SEC24C: variants seen among roughly 807,000 people sequenced by gnomAD.
The protein encoded by SEC24C is SEC24 homolog C, COPII component, also known as protein transport protein Sec24C.
Under a neutral mutation model 117.0 loss-of-function variants are expected in SEC24C, and 22 were observed. That is an observed-to-expected ratio of 0.19 (90% confidence interval 0.13 to 0.27). The LOEUF (loss-of-function observed/expected upper bound fraction) is 0.27, where lower values mean the gene tolerates loss of function less well. Ranked by LOEUF, SEC24C falls within the 10% of genes least tolerant of loss-of-function variation. SEC24C has a pLI of 1.00. For synonymous variants in SEC24C, 506 were observed against 529.4 expected (o/e 0.96, Z 0.61); for missense variants, 1,155 against 1,375.1 (o/e 0.84, Z 2.53).
chr10:73,758,362 T>G (rs552541497), intron 3 of SEC24C, among the ~76,000 whole-genome samples: 1 of 152,366 alleles, frequency 6.6e-6, no homozygotes, highest in Non-Finnish European at 1.5e-5. Flanking sequence ...TTAAAAAGTT[T>G]TTTGAGATAT....
At position 73,766,038 on chromosome 10, in the gene SEC24C, T is replaced by G. The variant is rs1048018129; in HGVS notation, c.1483-48T>G. 12 of 1,604,832 alleles carry G rather than the reference T, an allele frequency of 7.5e-6. No homozygotes were observed. The African/African-American group carries it at 1.2e-4, about 16-fold the overall frequency. Reference sequence around the variant, plus strand: ...TGATGCTGACTTCTCTATAGTCAACTGGCCTGCTTACCATTCCCCCTCTCC... The same window carrying G: ...TGATGCTGACTTCTCTATAGTCAACGGGCCTGCTTACCATTCCCCCTCTCC... On this transcript the variant is annotated intron_variant, in intron 10 of 22. Coordinates refer to ENST00000345254, the MANE Select transcript of SEC24C (RefSeq NM_198597.3).
Position 73,769,706 on chromosome 10 carries a change from C to T in SEC24C, c.2655C>T (p.Asn885=). The T allele has an allele frequency of 6.2e-7, 1 of 1,614,224 alleles. No individual in the cohort carries two copies. The highest frequency in any genetic ancestry group is 8.5e-7 in the Non-Finnish European group (1 of 1,180,030). Residue 885 remains asparagine (N), a synonymous_variant, in exon 19 of 23, where the codon AAC becomes AAT. Coordinates refer to ENST00000345254, the MANE Select transcript of SEC24C (RefSeq NM_198597.3). The surrounding 1 kb of genome is among the most constrained non-coding windows in gnomAD (Gnocchi z 4.5). The stretch of plus-strand genomic sequence containing the variant: ...AGATCCTGGCCTGTTACAGAAAGAA[C>T]TGTGCTAGCCCCTCCTCTGCAGGAC... ...CAQILACYRK[N]CASPSSAGQL... is the part of the protein sequence containing the mutation.
chr10:73,763,698 T>C, intron 7 of SEC24C, 97 bp downstream of exon 7: 1 of 747,222 alleles, frequency 1.3e-6, no homozygotes, highest in Non-Finnish European at 1.9e-6. Flanking sequence ...TTTTTTTTTT[T>C]TAGTTTTTAA....
chr10:73,747,436 T>C (rs1217835306), intron 2 of SEC24C, among the ~76,000 whole-genome samples: 1 of 150,906 alleles, frequency 6.6e-6, no homozygotes, highest in Non-Finnish European at 1.5e-5. Flanking sequence ...GGCTGCAACC[T>C]CCACCTTCCA....
In SEC24C at chr10:73,771,177, A is replaced by G. The variant is rs2082976355; in HGVS notation, c.*82A>G. On this transcript the variant is annotated 3_prime_UTR_variant, in exon 23 of 23. Coordinates refer to ENST00000345254, the MANE Select transcript of SEC24C (RefSeq NM_198597.3). The stretch of plus-strand genomic sequence containing the variant: ...GTCAGAGAAATTGGGACAGTAACAT[A>G]TCTTATGTAAGCTGACCTCAGTCTC... 3 of 1,507,842 alleles carry G rather than the reference A, an allele frequency of 2.0e-6. No homozygotes were observed. The highest frequency in any genetic ancestry group is 2.7e-6 in the Non-Finnish European group (3 of 1,108,826). 93.4% of individuals were successfully genotyped at this position (1,507,842 alleles called of 1,614,324 possible).
Position 73,767,064 on chromosome 10 carries a change from G to A in SEC24C, c.1904G>A (p.Cys635Tyr), listed in dbSNP as rs547351608. The change falls in exon 14 of 23, where the codon TGT becomes TAT. Residue 635 changes from cysteine (C) to tyrosine (Y), a missense_variant. Physicochemically the swap from Cys to Tyr is radical, Grantham distance 194. Around this residue, in one of 2 missense-constraint regions of SEC24C, gnomAD observed 759 missense variants for 992.3 expected, o/e 0.76. Coordinates refer to ENST00000345254, the MANE Select transcript of SEC24C (RefSeq NM_198597.3). ...TCTCTTTTTTCCTAGGCTGCTGAGT[G>A]TGCAGGGAAGCTCTTTCTATTCCAT... ...AGMEALKAAECAGKLFLFHTS... is the reference protein window; with the variant it reads ...AGMEALKAAEYAGKLFLFHTS... The A allele has an allele frequency of 1.2e-6, 2 of 1,613,160 alleles. No homozygotes were observed. Among genetic ancestry groups the A allele is most frequent in the Non-Finnish European group, 1.7e-6 (2 of 1,179,222 alleles).
chr10:73,746,348 T>C (rs1031623122), intron 1 of SEC24C, among the ~76,000 whole-genome samples: 1 of 152,232 alleles, frequency 6.6e-6, no homozygotes, highest in Non-Finnish European at 1.5e-5. Flanking sequence ...TTTAGCCTGA[T>C]TGATTTTAAA....
intron 1 of SEC24C, 79 bp from the exon 2 acceptor site, chr10:73,746,725 CT>C: frequency 1.1e-6 from 1 of 937,458 alleles, no homozygotes; most frequent in Non-Finnish European, 1.6e-6. Context: ...AGGTCAATTT[CT>C]TTTTATCTCT....
chr10:73,765,331 C>G, intron 8 of SEC24C, 120 bp from the exon 9 acceptor site: 2 of 1,067,058 alleles, frequency 1.9e-6, no homozygotes, highest in South Asian at 1.5e-5. Context: ...GCTCCCTACT[C>G]CCTCTGCAGA....
rs35005181 is a variant in SEC24C at position 73,770,280 on chromosome 10, A to G, written c.2863A>G (p.Thr955Ala). The G allele has an allele frequency of 5.0e-5, 80 of 1,600,278 alleles. No individual in the cohort carries two copies. The highest frequency in any genetic ancestry group is 6.5e-5 in the Non-Finnish European group (76 of 1,172,540). The change falls in exon 21 of 23, where the codon ACA becomes GCA. Residue 955 changes from threonine (T) to alanine (A), a missense_variant and splice_region_variant. Physicochemically the swap from Thr to Ala is moderately conservative, Grantham distance 58. Transcript: ENST00000345254. ...VFFYPRLLPLTKSPVESTTEP... is the reference protein window; with the variant it reads ...VFFYPRLLPLAKSPVESTTEP... ...CTTTTGCTCCCTTCCTTTTGTCTAGACAAAGTCTCCCGTTGAGAGTACTAC... is the reference window on the plus strand; with the variant it reads ...CTTTTGCTCCCTTCCTTTTGTCTAGGCAAAGTCTCCCGTTGAGAGTACTAC...
rs2132587999 is a variant in SEC24C, at chr10:73,771,271, G to A, written c.*176G>A. On this transcript the variant is annotated 3_prime_UTR_variant, in exon 23 of 23. Transcript: ENST00000345254. ...CTCAAGTATCCTGCCACTCTGTCATGTCCTGCTGATGGAAGGTGCCCCTGT... is the reference window on the plus strand; with the variant it reads ...CTCAAGTATCCTGCCACTCTGTCATATCCTGCTGATGGAAGGTGCCCCTGT... 1.5e-6 allele frequency: 1 copy of A among 682,390 alleles called. No homozygotes were observed. The highest frequency in any genetic ancestry group is 2.8e-5 in the East Asian group (1 of 36,326). The allele number at this position is 682,390 out of a possible 1,614,324, so 42.3% of individuals were successfully genotyped here.
Position 73,767,932 on chromosome 10 carries a change from G to C in SEC24C, c.2106G>C (p.Gln702His). 6.7e-7 allele frequency: 1 copy of C among 1,502,970 alleles called. No homozygotes were observed. Among genetic ancestry groups the C allele is most frequent in the Non-Finnish European group, 8.9e-7 (1 of 1,123,618 alleles). 93.1% of individuals were successfully genotyped at this position (1,502,970 alleles called of 1,614,324 possible). A position where few individuals can be genotyped will look rare whatever the true frequency, so the allele number is the denominator to read the frequency against. The change falls in exon 15 of 23, where the codon CAG becomes CAC. Residue 702 changes from glutamine to histidine, a missense_variant. By Grantham distance (24) the Gln-to-His change is conservative. Coordinates refer to ENST00000345254, the MANE Select transcript of SEC24C (RefSeq NM_198597.3). ...TAGATCTCTTTCTCTTCCCTAACCAGTATGTGGATGTGGCCACACTCTCTG... is the reference window on the plus strand; with the variant it reads ...TAGATCTCTTTCTCTTCCCTAACCACTATGTGGATGTGGCCACACTCTCTG... ...CCVDLFLFPN[Q>H]YVDVATLSVV... is the part of the protein sequence containing the mutation.
rs71021569 is a variant in SEC24C at position 73,763,667 on chromosome 10, CTTTTTTTTTTTTTTTT to C, written c.1099+83_1099+98del. ...CAAGATTATCAGCTTATGGTTGGGG[CTTTTTTTTTTTTTTTT>C]TTTTTTTTTTTTTTTTAGTTTTTAA... On this transcript the variant is annotated intron_variant, in intron 7 of 22. Transcript: ENST00000345254. 9.9e-4 allele frequency: 60 copies of C among 60,474 alleles called. 1 individual carries two copies. Among genetic ancestry groups the C allele is most frequent in the East Asian group, 4.2e-3 (9 of 2,164 alleles). The allele number at this position is 60,474 out of a possible 1,614,324, so 3.7% of individuals were successfully genotyped here. A position where few individuals can be genotyped will look rare whatever the true frequency, so the allele number is the denominator to read the frequency against.
At chr10:73,762,112 G>C (rs1248358905) in intron 6 of SEC24C, 1 of 1,289,604 alleles carries the variant, frequency 7.8e-7, no homozygotes, top group African/African-American at 1.5e-5. Flanking sequence ...TCAGTGAGCT[G>C]CCTCCTCAGC....
chr10:73,765,260 T>C (rs933838055), intron 8 of SEC24C, among the ~76,000 whole-genome samples, 191 bp from the exon 9 acceptor site: 1 of 152,232 alleles, frequency 6.6e-6, no homozygotes, highest in Non-Finnish European at 1.5e-5. Context: ...GAGGGAACTA[T>C]ATAATTTTTA....
At chr10:73,756,746 A>G (rs555465385) in intron 3 of SEC24C, among the ~76,000 whole-genome samples, 21 of 151,754 alleles carry the variant, frequency 1.4e-4, no homozygotes, top group Non-Finnish European at 4.4e-5. Flanking sequence ...GATTCCAGGC[A>G]TGACCACCAT....
chr10:73,765,126 A>G (rs2082861220), intron 8 of SEC24C, among the ~76,000 whole-genome samples: 2 of 152,138 alleles, frequency 1.3e-5, no homozygotes, highest in African/African-American at 4.8e-5. Context: ...CAGAAAGGAG[A>G]ATCCTAGATA....
At chr10:73,750,764 C>T (rs1011129725) in intron 2 of SEC24C, among the ~76,000 whole-genome samples, 1 of 152,182 alleles carries the variant, frequency 6.6e-6, no homozygotes, top group Non-Finnish European at 1.5e-5. Flanking sequence ...GGAGTAAGAT[C>T]TTTTCCTTAA....
chr10:73,757,585 G>A (rs2082729317), intron 3 of SEC24C, among the ~76,000 whole-genome samples: 1 of 150,850 alleles, frequency 6.6e-6, no homozygotes, highest in Non-Finnish European at 1.5e-5. Flanking sequence ...AACAAATGTA[G>A]AACAACCACA....
Sources: allele counts gnomAD v4.1 joint callset (sites outside exome capture counted in the v4.1 genomes callset), GRCh38; gene constraint gnomAD v4.1.1; regional missense constraint gnomAD v4.1.1; non-coding constraint Gnocchi (gnomAD v3.1); transcripts MANE v1.5; gene names NCBI Gene and HGNC (gene_info 2026-07-23, HGNC 2026-07-21).